Variants in QTMAN observed in about 807,000 individuals in gnomAD.
The protein encoded by QTMAN is queuosine-tRNA mannosyltransferase.
chr2:144,193,700 A>AT, the QTMAN span, among the ~76,000 whole-genome samples: 1 of 151,766 alleles, frequency 6.6e-6, no homozygotes, highest in Admixed American at 6.6e-5. Context: ...ATTTTTTTAA[A>AT]TTTTTTTGTA....
At chr2:144,074,822 C>T in the QTMAN span, among the ~76,000 whole-genome samples, 1 of 152,092 alleles carries the variant, frequency 6.6e-6, no homozygotes, top group Non-Finnish European at 1.5e-5. Flanking sequence ...GTGTCAGAGG[C>T]TACAGATGAG....
At chr2:144,057,235 T>C in the QTMAN span, among the ~76,000 whole-genome samples, 4 of 152,224 alleles carry the variant, frequency 2.6e-5, no homozygotes, top group African/African-American at 9.6e-5. Context: ...TAATAAATTA[T>C]AAAACTCACT....
At chr2:144,126,828 G>C in the QTMAN span, among the ~76,000 whole-genome samples, 66 of 151,894 alleles carry the variant, frequency 4.3e-4, no homozygotes, top group African/African-American at 1.6e-3. Context: ...GAGGAGAAAG[G>C]CTCTATCACC....
At chr2:144,169,752 A>G in the QTMAN span, among the ~76,000 whole-genome samples, 1 of 152,072 alleles carries the variant, frequency 6.6e-6, no homozygotes, top group South Asian at 2.1e-4. Flanking sequence ...GTATCCTTAT[A>G]TTACTGTCCT....
chr2:143,967,474 G>A, the QTMAN span, among the ~76,000 whole-genome samples: 8 of 151,962 alleles, frequency 5.3e-5, no homozygotes, highest in Non-Finnish European at 7.4e-5. Flanking sequence ...GGGATTACCC[G>A]CGTGCACTAC....
chr2:144,208,423 AG>A, the QTMAN span, among the ~76,000 whole-genome samples: 7 of 152,226 alleles, frequency 4.6e-5, no homozygotes, highest in African/African-American at 1.7e-4. Context: ...CCTACTGACC[AG>A]GTGTCCTTAG....
the QTMAN span, among the ~76,000 whole-genome samples, chr2:144,218,274 C>T: frequency 6.6e-6 from 1 of 152,170 alleles, no homozygotes; most frequent in Admixed American, 6.5e-5. Flanking sequence ...AATTTCACCC[C>T]TCAATCTAAG....
At chr2:144,131,394 T>C in the QTMAN span, among the ~76,000 whole-genome samples, 1 of 151,914 alleles carries the variant, frequency 6.6e-6, no homozygotes, top group African/African-American at 2.4e-5. Context: ...TTCCTCCTTT[T>C]CATTGTTATG....
chr2:144,192,038 T>C, the QTMAN span, among the ~76,000 whole-genome samples: 5 of 152,188 alleles, frequency 3.3e-5, no homozygotes, highest in South Asian at 4.1e-4. Flanking sequence ...GTGAAAGAAA[T>C]GAATGAAAAG....
chr2:144,305,715 T>C, the QTMAN span, among the ~76,000 whole-genome samples: 45 of 152,188 alleles, frequency 3.0e-4, no homozygotes, highest in Non-Finnish European at 5.3e-4. Flanking sequence ...TTAAGTCATC[T>C]AGATCCATGA....
At chr2:144,217,361 TA>T in the QTMAN span, among the ~76,000 whole-genome samples, 1,640 of 151,768 alleles carry the variant, frequency 0.011, 19 homozygotes, top group African/African-American at 0.037. Flanking sequence ...CAATATAAGT[TA>T]AAAAAAACCC....
the QTMAN span, among the ~76,000 whole-genome samples, chr2:144,019,482 GTA>G: frequency 8.3e-3 from 1,106 of 133,470 alleles, 20 homozygotes; most frequent in African/African-American, 0.022. Flanking sequence ...GTGTGTGTGT[GTA>G]TGTAGTTTTA....
chr2:144,301,438 G>A, the QTMAN span, among the ~76,000 whole-genome samples: 1 of 152,146 alleles, frequency 6.6e-6, no homozygotes, highest in African/African-American at 2.4e-5. Flanking sequence ...GGCCTGGCTG[G>A]TCTCAAACTC....
the QTMAN span, among the ~76,000 whole-genome samples, chr2:144,190,081 A>G: frequency 6.6e-6 from 1 of 152,188 alleles, no homozygotes; most frequent in Non-Finnish European, 1.5e-5. Flanking sequence ...TTTTAAAGAA[A>G]TTTTATCTTT....
At chr2:144,316,315 AG>A in the QTMAN span, among the ~76,000 whole-genome samples, 1 of 151,972 alleles carries the variant, frequency 6.6e-6, no homozygotes, top group African/African-American at 2.4e-5. Flanking sequence ...TTTGTTACAG[AG>A]CTGCATATAT....
chr2:144,291,426 C>G, the QTMAN span, among the ~76,000 whole-genome samples: 3 of 152,174 alleles, frequency 2.0e-5, no homozygotes, highest in East Asian at 5.8e-4. Flanking sequence ...CACCCTCACC[C>G]TTTATTCAGG....
At chr2:144,195,440 T>C in the QTMAN span, among the ~76,000 whole-genome samples, 5 of 152,120 alleles carry the variant, frequency 3.3e-5, no homozygotes, top group East Asian at 7.7e-4. Context: ...CAAAAGTTTC[T>C]GGGAGCTTTT....
At chr2:144,019,747 T>C in the QTMAN span, among the ~76,000 whole-genome samples, 1 of 151,992 alleles carries the variant, frequency 6.6e-6, no homozygotes, top group Non-Finnish European at 1.5e-5. Flanking sequence ...AAGGCAAGGG[T>C]GAGTGAAGTG....
At chr2:144,182,842 A>ATATATATAATATATATATAT in the QTMAN span, among the ~76,000 whole-genome samples, 1 of 62,024 alleles carries the variant, frequency 1.6e-5, no homozygotes, top group Non-Finnish European at 2.8e-5. Flanking sequence ...TATATATATT[A>ATATATATAATATATATATAT]TATATATATT....
Sources: allele counts gnomAD v4.1 joint callset (sites outside exome capture counted in the v4.1 genomes callset), GRCh38; gene constraint gnomAD v4.1.1; transcripts MANE v1.5; gene names NCBI Gene and HGNC (gene_info 2026-07-23, HGNC 2026-07-21).